The following LAPTM4B variants were observed in gnomAD, a reference collection of about 807,000 sequenced individuals.
The protein encoded by LAPTM4B is lysosomal-associated transmembrane protein 4B.
A neutral mutation model predicts 28.5 loss-of-function variants in LAPTM4B; 26 were observed. The observed-to-expected ratio is 0.91, with a 90% confidence interval of 0.67 to 1.27. The LOEUF is 1.27. Ranked by LOEUF, LAPTM4B falls within the 50% of genes most tolerant of loss-of-function variation. The pLI, the probability that LAPTM4B is intolerant of heterozygous loss-of-function variation, is 0.00. For missense variants in LAPTM4B, 288 were observed against 285.8 expected (o/e 1.01, Z -0.06); for synonymous variants, 109 against 106.4 (o/e 1.02, Z -0.15).
At chr8:97,791,662 C>T (rs1816500883) in intron 1 of LAPTM4B, among the ~76,000 whole-genome samples, 1 of 152,138 alleles carries the variant, frequency 6.6e-6, no homozygotes, top group African/African-American at 2.4e-5. Flanking sequence ...TGGCCAGGGC[C>T]TGTGAATGGG....
Position 97,829,045 on chromosome 8 carries a change from AG to A in LAPTM4B, c.603+3894del, listed in dbSNP as rs1817137629. Among the ~76,000 whole-genome samples, 5 of 152,294 alleles carry A rather than the reference AG, an allele frequency of 3.3e-5. No individual in the cohort carries two copies. In the Middle Eastern group the frequency reaches 0.01, roughly 311 times the overall value. On this transcript the variant is annotated intron_variant, in intron 6 of 6. Coordinates refer to ENST00000521545, the MANE Select transcript of LAPTM4B (RefSeq NM_018407.6). ...GCAGAGGAAAAAGAGTCCTTGAGGC[AG>A]GCAGAACTGGAAATGCAGAGTAAAA...
At chr8:97,802,329 G>A (rs921692027) in intron 1 of LAPTM4B, among the ~76,000 whole-genome samples, 1 of 152,112 alleles carries the variant, frequency 6.6e-6, no homozygotes, top group African/African-American at 2.4e-5. Context: ...GGAAAGGGGT[G>A]GGCAATTCCC....
At chr8:97,824,186 ATAT>A (rs1372878709) in intron 5 of LAPTM4B, among the ~76,000 whole-genome samples, 2 of 152,098 alleles carry the variant, frequency 1.3e-5, no homozygotes, top group Non-Finnish European at 2.9e-5. Flanking sequence ...TATATTATAT[ATAT>A]ACTATATGTA....
At chr8:97,819,264 T>C in intron 5 of LAPTM4B, 26 bp downstream of exon 5, 1 of 1,373,852 alleles carries the variant, frequency 7.3e-7, no homozygotes, top group Non-Finnish European at 1.0e-6. Flanking sequence ...TTACTTATAG[T>C]CTAAAAATAT....
chr8:97,825,887 G>A (rs1817083914), intron 6 of LAPTM4B, among the ~76,000 whole-genome samples: 1 of 152,222 alleles, frequency 6.6e-6, no homozygotes, highest in African/African-American at 2.4e-5. Context: ...TGGATGACAT[G>A]TAACTGTGTG....
chr8:97,831,813 C>T (rs569731144), intron 6 of LAPTM4B, among the ~76,000 whole-genome samples: 94 of 152,254 alleles, frequency 6.2e-4, no homozygotes, highest in African/African-American at 1.6e-3. Context: ...TGGGCGCAGA[C>T]GTTTCCTTGG....
chr8:97,776,258 C>T (rs1319915), intron 1 of LAPTM4B, 150 bp downstream of exon 1: 68,419 of 1,050,292 alleles, frequency 0.065, 2,739 homozygotes, highest in Middle Eastern at 0.076. Flanking sequence ...CGCGTCCGCA[C>T]TTCCCCCGGC....
At position 97,813,624 on chromosome 8, in the gene LAPTM4B, A is replaced by C. The variant is rs1354439615; in HGVS notation, c.212-1704A>C. Among the ~76,000 whole-genome samples, 4 of 152,370 alleles carry C rather than the reference A, an allele frequency of 2.6e-5. No homozygotes were observed. The East Asian group carries it at 7.7e-4, about 29-fold the overall frequency. ...GTTGAGGTCCTGTTTGCCACTGGCT[A>C]AGAAGGAGTTAGATCAGCTCTGGTG... On this transcript the variant is annotated intron_variant, in intron 2 of 6. Transcript: ENST00000521545.
intron 5 of LAPTM4B, among the ~76,000 whole-genome samples, chr8:97,823,228 G>C (rs1225266613): frequency 6.6e-6 from 1 of 152,208 alleles, no homozygotes; most frequent in Non-Finnish European, 1.5e-5. Flanking sequence ...CAAGACAGCA[G>C]GTCGAGGTTT....
chr8:97,839,444 C>T (rs761191268), intron 6 of LAPTM4B, among the ~76,000 whole-genome samples: 4 of 152,140 alleles, frequency 2.6e-5, no homozygotes, highest in African/African-American at 4.8e-5. Context: ...CCGCCTGCCT[C>T]GGCCTCCCAA....
chr8:97,816,553 T>C (rs1816919388), intron 4 of LAPTM4B, among the ~76,000 whole-genome samples: 1 of 152,164 alleles, frequency 6.6e-6, no homozygotes, highest in Admixed American at 6.5e-5. Flanking sequence ...CATCTTGGCC[T>C]CCCAAAGTGC....
At chr8:97,793,106 A>G (rs1816530370) in intron 1 of LAPTM4B, among the ~76,000 whole-genome samples, 1 of 152,176 alleles carries the variant, frequency 6.6e-6, no homozygotes, top group African/African-American at 2.4e-5. Context: ...AGAACATCCA[A>G]TTTATTATTT....
intron 6 of LAPTM4B, among the ~76,000 whole-genome samples, chr8:97,830,555 C>T (rs2245791): frequency 0.47 from 71,020 of 151,902 alleles, 16,892 homozygotes; most frequent in East Asian, 0.58. Context: ...ATACAAAGGG[C>T]TGTTGTTCTT....
chr8:97,810,680 TTTTG>T (rs1463635880), intron 2 of LAPTM4B, among the ~76,000 whole-genome samples: 1 of 152,238 alleles, frequency 6.6e-6, no homozygotes, highest in African/African-American at 2.4e-5. Context: ...ATTTGTGAAA[TTTTG>T]TTTGGCAAAG....
intron 1 of LAPTM4B, among the ~76,000 whole-genome samples, chr8:97,789,316 C>T (rs997742232): frequency 2.6e-5 from 4 of 151,256 alleles, no homozygotes; most frequent in Non-Finnish European, 4.4e-5. Context: ...TTAGGTGATC[C>T]GCCCACCTTG....
At chr8:97,818,843 G>A (rs1416584458) in intron 4 of LAPTM4B, among the ~76,000 whole-genome samples, 2 of 141,476 alleles carry the variant, frequency 1.4e-5, no homozygotes, top group East Asian at 4.0e-4. Flanking sequence ...TGAGCTGGGC[G>A]ACAGAGAGAA....
At chr8:97,812,147 A>C (rs1269794747) in intron 2 of LAPTM4B, among the ~76,000 whole-genome samples, 4 of 151,916 alleles carry the variant, frequency 2.6e-5, no homozygotes, top group African/African-American at 9.7e-5. Flanking sequence ...ATCCTTTCAA[A>C]AAAAGTAGCA....
chr8:97,783,461 A>G lies in LAPTM4B; in HGVS notation c.99+7353A>G, dbSNP rs115711519. ...TCAAGATAGTATTAGAGAAACTGCA[A>G]ACAAGAATAGCTCTGAAAAGCTGCT... On this transcript the variant is annotated intron_variant, in intron 1 of 6. Coordinates refer to ENST00000521545, the MANE Select transcript of LAPTM4B (RefSeq NM_018407.6). Among the ~76,000 whole-genome samples, 436 of 152,260 alleles carry G rather than the reference A, an allele frequency of 2.9e-3. 3 individuals are homozygous for G. The highest frequency in any genetic ancestry group is 0.01 in the African/African-American group (423 of 41,556).
intron 6 of LAPTM4B, among the ~76,000 whole-genome samples, chr8:97,839,255 C>T (rs1000396323): frequency 3.3e-5 from 5 of 152,086 alleles, no homozygotes; most frequent in East Asian, 1.9e-4. Context: ...AGTGCAATGG[C>T]GCGATCTCGG....
Sources: allele counts gnomAD v4.1 joint callset (sites outside exome capture counted in the v4.1 genomes callset), GRCh38; gene constraint gnomAD v4.1.1; transcripts MANE v1.5; gene names NCBI Gene and HGNC (gene_info 2026-07-23, HGNC 2026-07-21).